AMBRA1: variants seen among roughly 807,000 people sequenced by gnomAD.
AMBRA1 encodes the protein activating molecule in BECN1-regulated autophagy protein 1.
AMBRA1 carries 47 observed loss-of-function variants against 125.4 expected under a neutral mutation model. The ratio of observed to expected loss-of-function variants is 0.37; its 90% CI spans 0.30 to 0.48. AMBRA1 has a LOEUF of 0.48. AMBRA1 is among the 20% of genes least tolerant of loss of function. The pLI is 0.99. For synonymous variants in AMBRA1, 626 were observed against 655.5 expected, an observed-to-expected ratio of 0.95 and a Z score of 0.69; for missense variants, 1,331 against 1,693.4, an observed-to-expected ratio of 0.79 and a Z score of 3.76.
chr11:46,520,847 C>T (rs1433202412), intron 7 of AMBRA1, among the ~76,000 whole-genome samples: 3 of 151,906 alleles, frequency 2.0e-5, no homozygotes, highest in South Asian at 2.1e-4. Context: ...CCTCGTGATC[C>T]GCCCGCCTCG....
At chr11:46,586,595 T>C (rs2135335886) in intron 1 of AMBRA1, among the ~76,000 whole-genome samples, 1 of 152,324 alleles carries the variant, frequency 6.6e-6, no homozygotes, top group South Asian at 2.1e-4. Flanking sequence ...CTAAGAATCA[T>C]TATCATGTGT....
chr11:46,423,563 T>C (rs1443230228), intron 14 of AMBRA1, among the ~76,000 whole-genome samples: 1 of 149,428 alleles, frequency 6.7e-6, no homozygotes, highest in African/African-American at 2.5e-5. Flanking sequence ...GGCTAGTTTT[T>C]TGTATTTTTA....
chr11:46,542,538 G>T lies in AMBRA1; in HGVS notation c.1479C>A (p.Gly493=). 1 of 1,613,150 alleles carries T rather than the reference G, an allele frequency of 6.2e-7. No individual in the cohort carries two copies. The change falls in exon 7 of 18, where the codon GGC becomes GGA. Residue 493 remains glycine (G), a synonymous_variant. Transcript: ENST00000683756. The surrounding 1 kb of genome is among the most constrained non-coding windows in gnomAD (Gnocchi z 5.9). ...GGNGSSQNNS[G]SIRHELQCDL... is the part of the protein sequence containing the mutation. Reference sequence around the variant, plus strand: ...CACACTGAAGCTCATGGCGAATGCTGCCCGAGTTGTTTTGGCTGGAGCCAT... The same window carrying T: ...CACACTGAAGCTCATGGCGAATGCTTCCCGAGTTGTTTTGGCTGGAGCCAT...
chr11:46,591,778 T>G (rs1436204459), intron 1 of AMBRA1, among the ~76,000 whole-genome samples: 1 of 151,052 alleles, frequency 6.6e-6, no homozygotes, highest in Admixed American at 6.6e-5. Flanking sequence ...TGCTTGAACC[T>G]GGGAGGCGGA....
At chr11:46,524,548 C>T (rs1291113502) in intron 7 of AMBRA1, among the ~76,000 whole-genome samples, 1 of 152,148 alleles carries the variant, frequency 6.6e-6, no homozygotes, top group African/African-American at 2.4e-5. Flanking sequence ...GTTTAAATTC[C>T]ATCTTGTGTC....
chr11:46,498,077 A>G (rs1263635733), intron 9 of AMBRA1, among the ~76,000 whole-genome samples: 1 of 152,220 alleles, frequency 6.6e-6, no homozygotes, highest in African/African-American at 2.4e-5. Context: ...TCTATGAGAT[A>G]GAAGGAGACA....
intron 17 of AMBRA1, among the ~76,000 whole-genome samples, chr11:46,407,839 A>G (rs1462984324): frequency 2.0e-5 from 3 of 152,170 alleles, no homozygotes; most frequent in Non-Finnish European, 4.4e-5. Flanking sequence ...AGCTAGGATC[A>G]GCAAGGGGGC....
chr11:46,397,373 T>A lies in AMBRA1; in HGVS notation c.*77A>T. Reference sequence around the variant, plus strand: ...TGATGCAGCCAGCAGCTCTTCCACATGTCCAGTTCCCAGTCAGCTGTGAGG... The same window carrying A: ...TGATGCAGCCAGCAGCTCTTCCACAAGTCCAGTTCCCAGTCAGCTGTGAGG... On this transcript the variant is annotated 3_prime_UTR_variant, in exon 18 of 18. Coordinates refer to ENST00000683756, the MANE Select transcript of AMBRA1 (RefSeq NM_001387011.1). 7.1e-7 allele frequency: 1 copy of A among 1,416,560 alleles called. No individual in the cohort carries two copies. The highest frequency in any genetic ancestry group is 1.9e-5 in the South Asian group (1 of 53,674). The allele number at this position is 1,416,560 out of a possible 1,614,324, so 87.7% of individuals were successfully genotyped here.
intron 7 of AMBRA1, among the ~76,000 whole-genome samples, chr11:46,526,824 G>C (rs1951996043): frequency 6.6e-6 from 1 of 152,148 alleles, no homozygotes; most frequent in South Asian, 2.1e-4. Context: ...GAACAAAGTA[G>C]TTCCTTATCT....
At chr11:46,572,981 C>T (rs2043818293) in intron 1 of AMBRA1, among the ~76,000 whole-genome samples, 1 of 151,580 alleles carries the variant, frequency 6.6e-6, no homozygotes, top group South Asian at 2.1e-4. Flanking sequence ...ATCCCAGCTA[C>T]TCGGGAGGCT....
intron 7 of AMBRA1, among the ~76,000 whole-genome samples, chr11:46,529,088 C>A (rs1565256804): frequency 6.6e-6 from 1 of 152,212 alleles, no homozygotes; most frequent in Non-Finnish European, 1.5e-5. Flanking sequence ...ATTTTAATTT[C>A]CTGGCAAGTG....
chr11:46,426,070 T>TA (rs796784265), intron 14 of AMBRA1, among the ~76,000 whole-genome samples: 2,747 of 87,168 alleles, frequency 0.032, 40 homozygotes, highest in African/African-American at 0.063. Context: ...CATCTCAAAA[T>TA]AAAAAAAAAA....
At chr11:46,444,659 C>A (rs1001884934) in intron 11 of AMBRA1, among the ~76,000 whole-genome samples, 4 of 152,230 alleles carry the variant, frequency 2.6e-5, no homozygotes, top group Non-Finnish European at 4.4e-5. Context: ...TACCCAGATT[C>A]TTCAGTATCA....
intron 14 of AMBRA1, 59 bp downstream of exon 14, chr11:46,433,415 T>G (rs921096121): frequency 6.3e-7 from 1 of 1,584,900 alleles, no homozygotes; most frequent in Non-Finnish European, 8.6e-7. Context: ...TGTCCCCTCA[T>G]TACCCTTCCA....
At position 46,545,639 on chromosome 11, in the gene AMBRA1, A is replaced by T; in HGVS notation, c.516T>A (p.Ala172=). ...CCATCTCACTAGCTGTCTTCACCAC[A>T]GCAAAGGGTTCCCGTCGACTCCAGT... ...FWDWSRREPF[A]VVKTASEMER... Residue 172 remains alanine (A), a synonymous_variant, in exon 5 of 18, where the codon GCT becomes GCA. Transcript: ENST00000683756. 6.2e-7 allele frequency: 1 copy of T among 1,614,106 alleles called. No homozygotes were observed. Among genetic ancestry groups the T allele is most frequent in the African/African-American group, 1.3e-5 (1 of 75,038 alleles).
chr11:46,409,061 C>A (rs1454169263), intron 16 of AMBRA1, among the ~76,000 whole-genome samples: 1 of 152,232 alleles, frequency 6.6e-6, no homozygotes, highest in African/African-American at 2.4e-5. Flanking sequence ...TAGCTGAGAT[C>A]ATGGGATAAA....
intron 4 of AMBRA1, chr11:46,546,198 G>A (rs1953010159): frequency 6.5e-6 from 1 of 154,096 alleles, no homozygotes; most frequent in East Asian, 1.9e-4. Context: ...ACCATGCTCA[G>A]CTAATTTTAT....
At chr11:46,438,945 T>C (rs1947862602) in intron 12 of AMBRA1, among the ~76,000 whole-genome samples, 1 of 152,066 alleles carries the variant, frequency 6.6e-6, no homozygotes, top group Admixed American at 6.6e-5. Flanking sequence ...TAAATGCAAT[T>C]CACATAAATC....
chr11:46,424,756 C>T (rs1042004678), intron 14 of AMBRA1, among the ~76,000 whole-genome samples: 2 of 152,152 alleles, frequency 1.3e-5, no homozygotes, highest in African/African-American at 4.8e-5. Flanking sequence ...GGGAGGATTG[C>T]TTGAGCCCAG....
Sources: gnomAD v4.1 joint callset for allele counts (sites outside exome capture counted in the v4.1 genomes callset) on GRCh38, gnomAD v4.1.1 for gene constraint, Gnocchi (gnomAD v3.1) non-coding constraint, MANE v1.5 for transcripts, NCBI Gene and HGNC (gene_info 2026-07-23, HGNC 2026-07-21) for gene names.